Variants in PACRG observed in about 807,000 individuals in gnomAD.
PACRG encodes parkin coregulated, also known as parkin coregulated gene protein.
A neutral mutation model predicts 29.7 loss-of-function variants in PACRG; 29 were observed. That is an observed-to-expected ratio of 0.98 (90% confidence interval 0.73 to 1.33). PACRG has a LOEUF of 1.33. Ranked by LOEUF, PACRG falls within the 40% of genes most tolerant of loss-of-function variation. The pLI is 0.00. For synonymous variants in PACRG, 116 were observed against 118.7 expected (o/e 0.98, Z 0.15); for missense variants, 279 against 316.2 (o/e 0.88, Z 0.89).
At chr6:162,867,506 C>T (rs1033545130) in intron 2 of PACRG, among the ~76,000 whole-genome samples, 1 of 152,090 alleles carries the variant, frequency 6.6e-6, no homozygotes, top group African/African-American at 2.4e-5. Flanking sequence ...CTTGAAGCCG[C>T]TTCAGGTTCC....
At chr6:162,732,723 A>G (rs781391848) in intron 1 of PACRG, among the ~76,000 whole-genome samples, 1 of 152,204 alleles carries the variant, frequency 6.6e-6, no homozygotes, top group Admixed American at 6.5e-5. Context: ...CTTGTACAAT[A>G]TCATCCACCT....
At chr6:163,227,409 C>G (rs533213159) in intron 4 of PACRG, among the ~76,000 whole-genome samples, 39 of 152,328 alleles carry the variant, frequency 2.6e-4, no homozygotes, top group African/African-American at 8.9e-4. Context: ...GGCCTCGCCT[C>G]CAACACTGGG....
At chr6:162,779,621 G>A (rs1226481020) in intron 1 of PACRG, among the ~76,000 whole-genome samples, 1 of 152,198 alleles carries the variant, frequency 6.6e-6, no homozygotes. Flanking sequence ...TAACAGATGA[G>A]TCTTGGAGCT....
chr6:162,770,731 G>C (rs1042406699), intron 1 of PACRG, among the ~76,000 whole-genome samples: 2 of 151,980 alleles, frequency 1.3e-5, no homozygotes, highest in Non-Finnish European at 1.5e-5. Flanking sequence ...ATTTTAATGA[G>C]CTAAATAATA....
intron 4 of PACRG, among the ~76,000 whole-genome samples, chr6:163,140,426 C>A (rs1273222286): frequency 6.6e-6 from 1 of 152,000 alleles, no homozygotes; most frequent in African/African-American, 2.4e-5. Flanking sequence ...AGGCAGAGGC[C>A]AGAGTGGAGT....
intron 1 of PACRG, among the ~76,000 whole-genome samples, chr6:162,729,335 G>A (rs1487189912): frequency 5.9e-5 from 9 of 152,242 alleles, no homozygotes; most frequent in African/African-American, 2.2e-4. Flanking sequence ...GAATAGTGTT[G>A]TTTTCCAGTG....
At chr6:163,018,854 A>G (rs910691730) in intron 2 of PACRG, among the ~76,000 whole-genome samples, 1 of 152,006 alleles carries the variant, frequency 6.6e-6, no homozygotes, top group African/African-American at 2.4e-5. Flanking sequence ...TCTTCTGCCT[A>G]TCTTCATCTG....
chr6:162,962,957 T>A (rs1800750409), intron 2 of PACRG, among the ~76,000 whole-genome samples: 1 of 152,190 alleles, frequency 6.6e-6, no homozygotes, highest in Non-Finnish European at 1.5e-5. Context: ...ATTAGGGGAC[T>A]TTGATTAGAA....
At chr6:162,862,623 G>A (rs1032944775) in intron 2 of PACRG, among the ~76,000 whole-genome samples, 1 of 152,150 alleles carries the variant, frequency 6.6e-6, no homozygotes, top group African/African-American at 2.4e-5. Flanking sequence ...AAAGATCCAG[G>A]ACTAGTACAG....
In PACRG at chr6:162,806,397, AC is replaced by A. The variant is rs1311365181; in HGVS notation, c.157-7748del. Among the ~76,000 whole-genome samples, 4 of 151,516 alleles carry A rather than the reference AC, an allele frequency of 2.6e-5. No homozygotes were observed. The East Asian group carries it at 7.8e-4, about 30-fold the overall frequency. ...AGTGCTGGGATTACAGGTGTGAGCC[AC>A]CACACCTGGCCTAAAATGTATTTCT... On this transcript the variant is annotated intron_variant, in intron 1 of 4. Coordinates refer to ENST00000366888, the MANE Select transcript of PACRG (RefSeq NM_001080379.2).
intron 1 of PACRG, among the ~76,000 whole-genome samples, chr6:162,807,455 G>A (rs1476704147): frequency 6.6e-6 from 1 of 152,026 alleles, no homozygotes; most frequent in Non-Finnish European, 1.5e-5. Flanking sequence ...GAACACTTAG[G>A]AGCCATGTAG....
chr6:163,299,051 C>T (rs1037718896), intron 4 of PACRG, among the ~76,000 whole-genome samples: 3 of 152,210 alleles, frequency 2.0e-5, no homozygotes, highest in Admixed American at 6.5e-5. Flanking sequence ...GGCATATTAC[C>T]GGACTCCTCT....
chr6:163,238,311 A>G (rs1263314156), intron 4 of PACRG, among the ~76,000 whole-genome samples: 1 of 152,258 alleles, frequency 6.6e-6, no homozygotes, highest in African/African-American at 2.4e-5. Flanking sequence ...CTTTATTTCA[A>G]TAAGTGAGTT....
At chr6:163,033,074 C>A (rs999953705) in intron 2 of PACRG, among the ~76,000 whole-genome samples, 1 of 152,178 alleles carries the variant, frequency 6.6e-6, no homozygotes, top group Non-Finnish European at 1.5e-5. Context: ...ATCCTTTAAT[C>A]TAGGCCAAAA....
At chr6:162,909,472 G>A (rs900711663) in intron 2 of PACRG, among the ~76,000 whole-genome samples, 4 of 147,854 alleles carry the variant, frequency 2.7e-5, no homozygotes, top group Non-Finnish European at 3.0e-5. Flanking sequence ...GGAGAATGGC[G>A]TGAACCCAGG....
chr6:162,930,932 A>C (rs532320583), intron 2 of PACRG, among the ~76,000 whole-genome samples: 13 of 151,722 alleles, frequency 8.6e-5, no homozygotes, highest in Non-Finnish European at 1.5e-4. Flanking sequence ...ATGCCACTTG[A>C]TCATGGTGTA....
At chr6:163,031,231 A>G (rs931064201) in intron 2 of PACRG, among the ~76,000 whole-genome samples, 9 of 152,248 alleles carry the variant, frequency 5.9e-5, no homozygotes, top group Non-Finnish European at 1.2e-4. Context: ...TTCTACAACA[A>G]TAAAGCCAAA....
At chr6:162,909,434 A>T (rs556629786) in intron 2 of PACRG, among the ~76,000 whole-genome samples, 5 of 151,820 alleles carry the variant, frequency 3.3e-5, no homozygotes, top group African/African-American at 1.2e-4. Context: ...GGGCACCTGT[A>T]GTCCCAGCTA....
At chr6:163,065,468 C>T (rs1190941700) in intron 3 of PACRG, among the ~76,000 whole-genome samples, 1 of 152,210 alleles carries the variant, frequency 6.6e-6, no homozygotes, top group East Asian at 1.9e-4. Flanking sequence ...TCCAAAACAG[C>T]GGTCAAGAGG....
Sources: allele counts gnomAD v4.1 joint callset (sites outside exome capture counted in the v4.1 genomes callset), GRCh38; gene constraint gnomAD v4.1.1; transcripts MANE v1.5; gene names NCBI Gene and HGNC (gene_info 2026-07-23, HGNC 2026-07-21).